IMMP1L: variants seen among roughly 807,000 people sequenced by gnomAD.
IMMP1L encodes inner mitochondrial membrane peptidase subunit 1.
A neutral mutation model predicts 21.8 loss-of-function variants in IMMP1L; 24 were observed. The observed-to-expected ratio is 1.10, with a 90% CI of 0.80 to 1.55. The LOEUF (loss-of-function observed/expected upper bound fraction) is 1.55, where lower values mean the gene tolerates loss of function less well. Among genes scored for constraint, IMMP1L ranks in the 40% most tolerant of loss-of-function variants. The pLI is 0.00. For synonymous variants in IMMP1L, 46 were observed against 62.8 expected (o/e 0.73, Z 1.26); for missense variants, 195 against 200.7 (o/e 0.97, Z 0.17).
intron 4 of IMMP1L, among the ~76,000 whole-genome samples, chr11:31,448,735 G>A (rs1953626873): frequency 6.6e-6 from 1 of 152,034 alleles, no homozygotes; most frequent in South Asian, 2.1e-4. Context: ...TACAAAATAA[G>A]ATTATTATAA....
intron 1 of IMMP1L, among the ~76,000 whole-genome samples, chr11:31,481,743 G>T (rs1196835896): frequency 6.6e-6 from 1 of 151,576 alleles, no homozygotes; most frequent in Non-Finnish European, 1.5e-5. Flanking sequence ...AAATTTAAAA[G>T]AAGTTTATAA....
Position 31,462,459 on chromosome 11 carries a change from T to C in IMMP1L, c.105+713A>G, listed in dbSNP as rs1414767030. 2.0e-5 allele frequency among the ~76,000 whole-genome samples: 3 copies of C among 151,576 alleles called. No homozygotes were observed. In the East Asian group the frequency reaches 5.8e-4, roughly 29 times the overall value. On this transcript the variant is annotated intron_variant, in intron 2 of 5. Coordinates refer to ENST00000532287, the MANE Select transcript of IMMP1L (RefSeq NM_001304274.2). ...ACAGTAATAACAACAATAAAAAAAA[T>C]TGACTGGCTGGTCAATCAATTTATT...
At chr11:31,434,971 A>G (rs1195924196) in intron 4 of IMMP1L, among the ~76,000 whole-genome samples, 1 of 152,188 alleles carries the variant, frequency 6.6e-6, no homozygotes, top group African/African-American at 2.4e-5. Context: ...AAAAAGGAAC[A>G]AAATAATGAA....
At chr11:31,467,984 C>T (rs906586673) in intron 1 of IMMP1L, among the ~76,000 whole-genome samples, 10 of 152,050 alleles carry the variant, frequency 6.6e-5, no homozygotes, top group Non-Finnish European at 1.5e-4. Flanking sequence ...AATCAAAACA[C>T]ATCCATATTG....
chr11:31,453,779 CTGATCA>C (rs1332978809), intron 4 of IMMP1L, among the ~76,000 whole-genome samples: 1 of 152,160 alleles, frequency 6.6e-6, no homozygotes, highest in Non-Finnish European at 1.5e-5. Flanking sequence ...AATACTGCCC[CTGATCA>C]GAAATACTTC....
intron 4 of IMMP1L, among the ~76,000 whole-genome samples, chr11:31,439,641 G>T (rs1490938631): frequency 6.6e-6 from 1 of 152,138 alleles, no homozygotes; most frequent in Non-Finnish European, 1.5e-5. Flanking sequence ...AGTAGATTTT[G>T]TTGTCTGTTT....
At chr11:31,452,239 C>G in intron 4 of IMMP1L, 1 of 984,648 alleles carries the variant, frequency 1.0e-6, no homozygotes, top group Non-Finnish European at 1.2e-6. Context: ...AGGAATTTAC[C>G]ATATTTCAAA....
intron 4 of IMMP1L, chr11:31,453,080 A>C (rs1018323589): frequency 1.6e-6 from 2 of 1,289,358 alleles, no homozygotes; most frequent in Non-Finnish European, 2.0e-6. Context: ...GGAACTGCTT[A>C]GTTTCCAAAT....
At chr11:31,440,771 G>A (rs2133560990) in intron 4 of IMMP1L, among the ~76,000 whole-genome samples, 1 of 152,238 alleles carries the variant, frequency 6.6e-6, no homozygotes, top group East Asian at 1.9e-4. Flanking sequence ...TGTGTGACGT[G>A]TGCTTTGGCA....
chr11:31,455,291 T>G (rs377612970), intron 4 of IMMP1L, among the ~76,000 whole-genome samples: 1 of 152,156 alleles, frequency 6.6e-6, no homozygotes, highest in South Asian at 2.1e-4. Flanking sequence ...AACAAACAGC[T>G]GCATTAATAA....
chr11:31,505,224 TG>T (rs1955740263), intron 1 of IMMP1L, among the ~76,000 whole-genome samples: 1 of 152,182 alleles, frequency 6.6e-6, no homozygotes, highest in Non-Finnish European at 1.5e-5. Flanking sequence ...AGTGGTTTCC[TG>T]CAGGATTTAC....
At chr11:31,502,307 A>G (rs1452467612) in intron 1 of IMMP1L, among the ~76,000 whole-genome samples, 1 of 152,254 alleles carries the variant, frequency 6.6e-6, no homozygotes. Context: ...TAAATTATGT[A>G]ATAAATGGAT....
intron 1 of IMMP1L, among the ~76,000 whole-genome samples, chr11:31,466,924 C>T (rs1954376430): frequency 6.6e-6 from 1 of 152,092 alleles, no homozygotes; most frequent in Admixed American, 6.6e-5. Flanking sequence ...ATGTTCACAA[C>T]ATAAAGAAAT....
At position 31,433,485 on chromosome 11, in the gene IMMP1L, A is replaced by T; in HGVS notation, c.407T>A (p.Leu136Gln). 6.3e-7 allele frequency: 1 copy of T among 1,598,414 alleles called. No individual in the cohort carries two copies. Among genetic ancestry groups the T allele is most frequent in the South Asian group, 1.1e-5 (1 of 89,176 alleles). Residue 136 changes from leucine to glutamine, a missense_variant, in exon 5 of 6, where the codon CTA (leucine) becomes CAA (glutamine). Leu to Gln is a moderately radical substitution (Grantham distance 113, BLOSUM62 -2). Coordinates refer to ENST00000532287, the MANE Select transcript of IMMP1L (RefSeq NM_001304274.2). ...CTTAAAGAAGATTCGTCCTCTTATT[A>T]GTCCATATGGAATAGGTCCATAGCA... Reference protein sequence around the residue: ...SRCYGPIPYGLIRGRIFFKIW... With the variant: ...SRCYGPIPYGQIRGRIFFKIW...
At chr11:31,454,201 AT>A (rs1953856396) in intron 4 of IMMP1L, among the ~76,000 whole-genome samples, 1 of 152,204 alleles carries the variant, frequency 6.6e-6, no homozygotes, top group African/African-American at 2.4e-5. Context: ...CTGGAACAAA[AT>A]GGCAATGTCA....
chr11:31,487,261 A>G (rs1208621554), intron 1 of IMMP1L, among the ~76,000 whole-genome samples: 1 of 152,092 alleles, frequency 6.6e-6, no homozygotes, highest in Non-Finnish European at 1.5e-5. Context: ...AATTAAAAGT[A>G]GATTTCAGCC....
intron 4 of IMMP1L, chr11:31,453,098 A>G (rs753766720): frequency 3.9e-6 from 5 of 1,289,436 alleles, no homozygotes; most frequent in Non-Finnish European, 5.1e-6. Context: ...AATACCTAAC[A>G]GTAAAAAATA....
chr11:31,459,155 G>T (rs1401390811), intron 3 of IMMP1L, among the ~76,000 whole-genome samples: 1 of 152,198 alleles, frequency 6.6e-6, no homozygotes, highest in Non-Finnish European at 1.5e-5. Flanking sequence ...GTTGTTATGG[G>T]TAAAAGATTT....
chr11:31,433,704 A>G (rs1953005739), intron 4 of IMMP1L, 134 bp from the exon 5 acceptor site: 2 of 457,558 alleles, frequency 4.4e-6, no homozygotes, highest in Non-Finnish European at 3.8e-6. Flanking sequence ...AAATCCTAAT[A>G]TTGCATTTTT....
Sources: gnomAD v4.1 joint callset for allele counts (sites outside exome capture counted in the v4.1 genomes callset) on GRCh38, gnomAD v4.1.1 for gene constraint, MANE v1.5 for transcripts, NCBI Gene and HGNC (gene_info 2026-07-23, HGNC 2026-07-21) for gene names.